GMIP: variants seen among roughly 807,000 people sequenced by gnomAD.
GMIP encodes the protein GEM interacting protein, also known as GEM-interacting protein.
GMIP carries 54 observed loss-of-function variants against 105.3 expected under a neutral mutation model. The observed-to-expected ratio is 0.51, with a 90% CI of 0.41 to 0.64. The LOEUF (loss-of-function observed/expected upper bound fraction) is 0.64, where lower values mean the gene tolerates loss of function less well. Ranked by LOEUF, GMIP falls within the 30% of genes least tolerant of loss-of-function variation. The probability of loss-of-function intolerance (pLI) is 0.00; values close to 1 mark genes in which losing one functional copy is unlikely to be tolerated. For missense variants in GMIP, 1,110 were observed against 1,319.4 expected (o/e 0.84, Z 2.46); for synonymous variants, 541 against 560.8 (o/e 0.96, Z 0.50).
At position 19,640,115 on chromosome 19, in the gene GMIP, T is replaced by C. The variant is rs1355653400; in HGVS notation, c.507A>G (p.Thr169=). 1.9e-6 allele frequency: 3 copies of C among 1,612,548 alleles called. No homozygotes were observed. Among genetic ancestry groups the C allele is most frequent in the South Asian group, 2.2e-5 (2 of 91,056 alleles). ...DLSLGTLAME[T]VAQQKRDYYQ... is the part of the protein sequence containing the mutation. The stretch of plus-strand genomic sequence containing the variant: ...AGTAGTCTCTTTTCTGCTGGGCCAC[T>C]GTCTCCATGGCCAGGGTTCCCAGGC... The change falls in exon 7 of 21, where the codon ACA becomes ACG. Residue 169 remains threonine (T), a synonymous_variant. Coordinates refer to ENST00000203556, the MANE Select transcript of GMIP (RefSeq NM_016573.4).
intron 12 of GMIP, 51 bp from the exon 13 acceptor site, chr19:19,636,847 C>T: frequency 6.4e-7 from 1 of 1,566,394 alleles, no homozygotes; most frequent in Non-Finnish European, 8.8e-7. Context: ...AACCCCACTC[C>T]TGCAGCCCAC....
At chr19:19,643,294 C>T (rs969374828) in intron 1 of GMIP, 1 of 476,416 alleles carries the variant, frequency 2.1e-6, no homozygotes, top group Non-Finnish European at 3.8e-6. Flanking sequence ...CTCCCCCAGG[C>T]GTCTGGGGTG....
At position 19,642,048 on chromosome 19, in the gene GMIP, G is replaced by A. The variant is rs1387535029; in HGVS notation, c.108C>T (p.Thr36=). The change falls in exon 3 of 21, where the codon ACC becomes ACT. Residue 36 remains threonine (T), a synonymous_variant. Coordinates refer to ENST00000203556, the MANE Select transcript of GMIP (RefSeq NM_016573.4). ...GAGGGTCTCCAGCCAGCATCTCAAG[G>A]GTCCTGGGGGATAAAGGTGTGTCAG... The part of the protein sequence containing the change: ...DNLEISLGNV[T]LEMLAGDPLL... The A allele has an allele frequency of 6.2e-7, 1 of 1,611,114 alleles. No individual in the cohort carries two copies. Among genetic ancestry groups the A allele is most frequent in the Non-Finnish European group, 8.5e-7 (1 of 1,177,556 alleles).
intron 19 of GMIP, 26 bp downstream of exon 19, chr19:19,633,777 T>C (rs1411192185): frequency 7.0e-7 from 1 of 1,419,976 alleles, no homozygotes; most frequent in African/African-American, 1.4e-5. Context: ...GCCCTCTCCA[T>C]AGCTGTGGGC....
At position 19,637,915 on chromosome 19, in the gene GMIP, C is replaced by A; in HGVS notation, c.927+5G>T. 1 of 1,593,860 alleles carries A rather than the reference C, an allele frequency of 6.3e-7. No homozygotes were observed. ...GGGGAGGATGGCCTTGGGGATGGGCCTCACCCGCCTCAGCACTTCATCCCC... is the reference window on the plus strand; with the variant it reads ...GGGGAGGATGGCCTTGGGGATGGGCATCACCCGCCTCAGCACTTCATCCCC... On this transcript the variant is annotated splice_donor_5th_base_variant and intron_variant, in intron 10 of 20. Coordinates refer to ENST00000203556, the MANE Select transcript of GMIP (RefSeq NM_016573.4). The surrounding 1 kb of genome is among the most constrained non-coding windows in gnomAD (Gnocchi z 6.7).
In GMIP at chr19:19,635,684, T is replaced by C. The variant is rs2061846631; in HGVS notation, c.1365A>G (p.Thr455=). Residue 455 remains threonine, a synonymous_variant, in exon 14 of 21, where the codon ACA becomes ACG. Transcript: ENST00000203556. The surrounding 1 kb of genome is among the most constrained non-coding windows in gnomAD (Gnocchi z 4.7). ...GTRQLVKASS[T]GTESSDDFEE... ...CAAAGTCATCTGAGGACTCAGTGCCTGTGGACGAAGCCTTCACCAGCTGCC... is the reference window on the plus strand; with the variant it reads ...CAAAGTCATCTGAGGACTCAGTGCCCGTGGACGAAGCCTTCACCAGCTGCC... 6.2e-7 allele frequency: 1 copy of C among 1,614,034 alleles called. No individual in the cohort carries two copies. Among genetic ancestry groups the C allele is most frequent in the Non-Finnish European group, 8.5e-7 (1 of 1,180,014 alleles).
intron 1 of GMIP, among the ~76,000 whole-genome samples, 192 bp from the exon 2 acceptor site, chr19:19,642,811 A>G (rs2061937306): frequency 6.6e-6 from 1 of 152,094 alleles, no homozygotes; most frequent in Non-Finnish European, 1.5e-5. Context: ...GACCAGAGAC[A>G]GCTGCTCGGG....
Position 19,641,839 on chromosome 19 carries a change from G to A in GMIP, c.209C>T (p.Pro70Leu). 3.1e-6 allele frequency: 5 copies of A among 1,612,702 alleles called. No individual in the cohort carries two copies. Among genetic ancestry groups the A allele is most frequent in the Non-Finnish European group, 4.2e-6 (5 of 1,179,826 alleles). The part of the protein sequence containing the change: ...VTNEASCWSG[P>L]SPEGPVPLTG... ...GAGGGGTACAGGACCCTCTGGGGAG[G>A]GGCCGCTCCAACAGCTGGCTTCGTT... Residue 70 changes from proline (P) to leucine (L), a missense_variant, in exon 4 of 21, where the codon CCC becomes CTC. Around this residue, in one of 3 missense-constraint regions of GMIP, gnomAD observed 667 missense variants for 773.2 expected, o/e 0.86. Coordinates refer to ENST00000203556, the MANE Select transcript of GMIP (RefSeq NM_016573.4).
Position 19,643,635 on chromosome 19 carries a change from G to T in GMIP, c.-106C>A. 4 of 1,012,212 alleles carry T rather than the reference G, an allele frequency of 4.0e-6. No homozygotes were observed. The highest frequency in any genetic ancestry group is 5.7e-6 in the Non-Finnish European group (4 of 702,518). 62.7% of individuals were successfully genotyped at this position (1,012,212 alleles called of 1,614,324 possible). A position where few individuals can be genotyped will look rare whatever the true frequency, so the allele number is the denominator to read the frequency against. ...CCGCCGCAGCCGCCGCCGCCGCCTC[G>T]GTTCCGCGTCGCCCTGCCCAGCGGA... On this transcript the variant is annotated 5_prime_UTR_variant, in exon 1 of 21. Transcript: ENST00000203556.
At position 19,634,608 on chromosome 19, in the gene GMIP, G is replaced by A. The variant is rs567165262; in HGVS notation, c.1983C>T (p.Pro661=). The A allele has an allele frequency of 9.3e-6, 15 of 1,613,370 alleles. No individual in the cohort carries two copies. Among genetic ancestry groups the A allele is most frequent in the South Asian group, 7.7e-5 (7 of 91,056 alleles). ...HADPGDDPGT[P]SPSPEVIRSL... is the part of the protein sequence containing the mutation. ...AGCGGATAACCTCAGGGCTGGGGCT[G>A]GGGGTCCCAGGGTCGTCCCCAGGGT... is the stretch of plus-strand genomic sequence containing the variant. Residue 661 remains proline (P), a synonymous_variant, in exon 18 of 21, where the codon CCC becomes CCT. Transcript: ENST00000203556. This position sits in a 1 kb window ranked among gnomAD's most constrained non-coding sequence, Gnocchi z 6.1.
At position 19,635,123 on chromosome 19, in the gene GMIP, C is replaced by A. The variant is rs370305251; in HGVS notation, c.1651G>T (p.Val551Phe). ...TCCCTGGGTAGCTGCAGGAAGTCAA[C>A]CCCAAAAAGGGGTGTCCGGGCTGGG... Reference protein sequence around the residue: ...RLPARTPLFGVDFLQLPRDFP... With the variant: ...RLPARTPLFGFDFLQLPRDFP... The change falls in exon 16 of 21, where the codon GTT becomes TTT. Residue 551 changes from valine (V) to phenylalanine (F), a missense_variant. Physicochemically the swap from Val to Phe is conservative, Grantham distance 50. Transcript: ENST00000203556. The surrounding 1 kb of genome is among the most constrained non-coding windows in gnomAD (Gnocchi z 4.7). 1 of 1,613,984 alleles carries A rather than the reference C, an allele frequency of 6.2e-7. No homozygotes were observed.
At position 19,635,319 on chromosome 19, in the gene GMIP, G is replaced by A; in HGVS notation, c.1560+96C>T. 6.5e-7 allele frequency: 1 copy of A among 1,533,628 alleles called. No individual in the cohort carries two copies. Among genetic ancestry groups the A allele is most frequent in the South Asian group, 1.2e-5 (1 of 83,994 alleles). On this transcript the variant is annotated intron_variant, in intron 15 of 20. Coordinates refer to ENST00000203556, the MANE Select transcript of GMIP (RefSeq NM_016573.4). This position sits in a 1 kb window ranked among gnomAD's most constrained non-coding sequence, Gnocchi z 4.7. Reference sequence around the variant, plus strand: ...GGGGCTCATGGGAGACATCAGGTTAGGGTGGGTCCCAGGGGCAGAAAGGCT... The same window carrying A: ...GGGGCTCATGGGAGACATCAGGTTAAGGTGGGTCCCAGGGGCAGAAAGGCT...
rs564640311 is a variant in GMIP, at chr19:19,635,584, G to A, written c.1406-15C>T. On this transcript the variant is annotated splice_polypyrimidine_tract_variant and intron_variant, in intron 14 of 20. Coordinates refer to ENST00000203556, the MANE Select transcript of GMIP (RefSeq NM_016573.4). The surrounding 1 kb of genome is among the most constrained non-coding windows in gnomAD (Gnocchi z 4.7). ...GTCTCCCAGGTCTGCAGGGAGACAG[G>A]GTCAGGAGTGCCTGGTGCCCTGCCC... 6.2e-7 allele frequency: 1 copy of A among 1,613,744 alleles called. No homozygotes were observed. Among genetic ancestry groups the A allele is most frequent in the East Asian group, 2.2e-5 (1 of 44,852 alleles).
At position 19,637,414 on chromosome 19, in the gene GMIP, G is replaced by C; in HGVS notation, c.1075C>G (p.Pro359Ala). Residue 359 changes from proline to alanine, a missense_variant, in exon 11 of 21, where the codon CCC (proline) becomes GCC (alanine). Pro to Ala is a conservative substitution (Grantham distance 27). Around this residue, in one of 3 missense-constraint regions of GMIP, gnomAD observed 667 missense variants for 773.2 expected, o/e 0.86. Coordinates refer to ENST00000203556, the MANE Select transcript of GMIP (RefSeq NM_016573.4). The surrounding 1 kb of genome is among the most constrained non-coding windows in gnomAD (Gnocchi z 6.7). ...TGGAAGGAGAAGGCGGGCGGCGGGG[G>C]CGGCGGGGCCTCGGGCCGCAGCGCC... ...VRALRPEAPP[P>A]PPPAFSFQEF... 6.7e-7 allele frequency: 1 copy of C among 1,494,540 alleles called. No individual in the cohort carries two copies. Among genetic ancestry groups the C allele is most frequent in the Non-Finnish European group, 8.8e-7 (1 of 1,129,960 alleles). 92.6% of individuals were successfully genotyped at this position (1,494,540 alleles called of 1,614,324 possible). A position where few individuals can be genotyped will look rare whatever the true frequency, so the allele number is the denominator to read the frequency against.
Position 19,637,782 on chromosome 19 carries a change from G to A in GMIP, c.927+138C>T. On this transcript the variant is annotated intron_variant, in intron 10 of 20. Coordinates refer to ENST00000203556, the MANE Select transcript of GMIP (RefSeq NM_016573.4). This position sits in a 1 kb window ranked among gnomAD's most constrained non-coding sequence, Gnocchi z 6.7. ...CTCATGGGGCGGAGCCGAGACAGTG[G>A]GTCTGGGGGCGGGAACTGGCTGTCG... 1.0e-6 allele frequency: 1 copy of A among 979,134 alleles called. No homozygotes were observed. Among genetic ancestry groups the A allele is most frequent in the South Asian group, 1.6e-5 (1 of 62,326 alleles). The allele number at this position is 979,134 out of a possible 1,614,324, so 60.7% of individuals were successfully genotyped here.
At chr19:19,636,874 C>A in intron 12 of GMIP, 43 bp downstream of exon 12, 2 of 1,548,120 alleles carry the variant, frequency 1.3e-6, no homozygotes, top group South Asian at 2.3e-5. Context: ...GTTGGTGGAA[C>A]GAACTCCTGG....
chr19:19,635,293 G>C lies in GMIP; in HGVS notation c.1561-80C>G. ...AAGGTTACAAGGATCCTCAAGGAAT[G>C]GGGGCTCATGGGAGACATCAGGTTA... On this transcript the variant is annotated intron_variant, in intron 15 of 20. Transcript: ENST00000203556. This position sits in a 1 kb window ranked among gnomAD's most constrained non-coding sequence, Gnocchi z 4.7. 1 of 1,514,718 alleles carries C rather than the reference G, an allele frequency of 6.6e-7. No homozygotes were observed. Among genetic ancestry groups the C allele is most frequent in the Admixed American group, 1.8e-5 (1 of 56,432 alleles). The allele number at this position is 1,514,718 out of a possible 1,614,324, so 93.8% of individuals were successfully genotyped here.
chr19:19,638,045 C>A lies in GMIP; in HGVS notation c.802G>T (p.Glu268Ter). 6.4e-7 allele frequency: 1 copy of A among 1,571,514 alleles called. No individual in the cohort carries two copies. Among genetic ancestry groups the A allele is most frequent in the East Asian group, 2.3e-5 (1 of 43,370 alleles). ...EEAQAKAQEA[E>*]ALYQACVREA... ...CGGACACAGGCCTGGTACAGCGCCT[C>A]GGCCTCCTGCGCCTGGGGAAACGGG... The change falls in exon 10 of 21, where the codon GAG (glutamate) becomes TAG (stop). Residue 268 changes from glutamate to a stop codon, truncating the protein, a stop_gained. Transcript: ENST00000203556. LOFTEE classifies it high-confidence loss of function.
At position 19,640,307 on chromosome 19, in the gene GMIP, T is replaced by TGGAC; in HGVS notation, c.414_417dup (p.Ile140ValfsTer49). The stretch of plus-strand genomic sequence containing the variant: ...CTGGTCATGACTACCTGCTGTTGAA[T>TGGAC]GGACACCTTGCCAGCTTCAGCGATC... On this transcript the variant is annotated frameshift_variant, in exon 6 of 21. Transcript: ENST00000203556. LOFTEE classifies it high-confidence loss of function. The TGGAC allele has an allele frequency of 6.2e-7, 1 of 1,613,858 alleles. No homozygotes were observed. The highest frequency in any genetic ancestry group is 8.5e-7 in the Non-Finnish European group (1 of 1,179,940).
Sources: allele counts gnomAD v4.1 joint callset (sites outside exome capture counted in the v4.1 genomes callset), GRCh38; gene constraint gnomAD v4.1.1; regional missense constraint gnomAD v4.1.1; non-coding constraint Gnocchi (gnomAD v3.1); transcripts MANE v1.5; gene names NCBI Gene and HGNC (gene_info 2026-07-23, HGNC 2026-07-21).